The following GABRB1 variants were observed in gnomAD, a reference collection of about 807,000 sequenced individuals.
GABRB1 encodes gamma-aminobutyric acid receptor subunit beta-1.
In GABRB1, 17 loss-of-function variants were observed where a neutral mutation model predicts 51.6. The ratio of observed to expected loss-of-function variants is 0.33; its 90% confidence interval spans 0.23 to 0.49. GABRB1 has a LOEUF of 0.49. Among genes scored for constraint, GABRB1 ranks in the 20% least tolerant of loss-of-function variants. The probability of loss-of-function intolerance (pLI) is 0.99; values close to 1 mark genes in which losing one functional copy is unlikely to be tolerated. For synonymous variants in GABRB1, 247 were observed against 218.9 expected, an observed-to-expected ratio of 1.13 and a Z score of -1.14; for missense variants, 410 against 600.6, an observed-to-expected ratio of 0.68 and a Z score of 3.32.
rs571462368 is a variant in GABRB1, at chr4:47,308,736, C to G, written c.462-11391C>G. 6.5e-4 allele frequency among the ~76,000 whole-genome samples: 99 copies of G among 152,196 alleles called. No individual in the cohort carries two copies. The South Asian group carries it at 0.019, about 30-fold the overall frequency. On this transcript the variant is annotated intron_variant, in intron 4 of 8. Transcript: ENST00000295454. ...CTCTAGCTCTTCCTTCTGTCTGAGT[C>G]TTGTTTAGTTATCCTGTACTTACTG...
chr4:47,229,980 C>T (rs1242460314), intron 4 of GABRB1, among the ~76,000 whole-genome samples: 2 of 152,012 alleles, frequency 1.3e-5, no homozygotes, highest in African/African-American at 2.4e-5. Context: ...GTTGCAATAG[C>T]AAATAGGAAA....
At chr4:47,022,708 T>A (rs977522088) in intron 1 of GABRB1, among the ~76,000 whole-genome samples, 1 of 152,100 alleles carries the variant, frequency 6.6e-6, no homozygotes, top group Non-Finnish European at 1.5e-5. Flanking sequence ...GGTGAGAATG[T>A]AAATTAGTAC....
chr4:47,403,785 G>A, intron 7 of GABRB1, 74 bp downstream of exon 7: 2 of 1,467,646 alleles, frequency 1.4e-6, no homozygotes, highest in Non-Finnish European at 1.9e-6. Context: ...AGGAATTATA[G>A]GCAAGGGCTC....
chr4:47,244,560 A>C (rs979064570), intron 4 of GABRB1, among the ~76,000 whole-genome samples: 5 of 152,096 alleles, frequency 3.3e-5, no homozygotes, highest in Admixed American at 3.3e-4. Flanking sequence ...TCAATTTCAG[A>C]GCCTGCTATT....
chr4:47,036,010 T>TA (rs1444022889), intron 3 of GABRB1, among the ~76,000 whole-genome samples: 2 of 152,090 alleles, frequency 1.3e-5, no homozygotes, highest in Non-Finnish European at 2.9e-5. Flanking sequence ...TAGAAGACCT[T>TA]ACATCGAATG....
intron 4 of GABRB1, among the ~76,000 whole-genome samples, chr4:47,247,101 G>A (rs1204864323): frequency 6.6e-6 from 1 of 151,966 alleles, no homozygotes; most frequent in Non-Finnish European, 1.5e-5. Context: ...CCTTGCCTGA[G>A]CCAGCATCTG....
chr4:47,102,466 G>C (rs1434601038), intron 3 of GABRB1, among the ~76,000 whole-genome samples: 1 of 152,014 alleles, frequency 6.6e-6, no homozygotes, highest in African/African-American at 2.4e-5. Context: ...ATATGAAAGG[G>C]AAGAGTGCAA....
intron 5 of GABRB1, among the ~76,000 whole-genome samples, chr4:47,397,671 A>G (rs1272047918): frequency 6.6e-6 from 1 of 151,956 alleles, no homozygotes; most frequent in African/African-American, 2.4e-5. Flanking sequence ...GGTTCAAGCA[A>G]TTCTCCTCCT....
chr4:47,032,346 A>G, intron 2 of GABRB1, 71 bp from the exon 3 acceptor site: 2 of 1,338,116 alleles, frequency 1.5e-6, no homozygotes, highest in Admixed American at 4.3e-5. Context: ...AGGGCTGGGA[A>G]GCCCCCAGAC....
chr4:47,204,225 C>T (rs983298249), intron 4 of GABRB1, among the ~76,000 whole-genome samples: 5 of 152,134 alleles, frequency 3.3e-5, no homozygotes, highest in African/African-American at 9.7e-5. Context: ...CATGTGTGCT[C>T]TGGCATTTCT....
intron 4 of GABRB1, among the ~76,000 whole-genome samples, chr4:47,200,806 G>A (rs1047911467): frequency 6.6e-6 from 1 of 152,126 alleles, no homozygotes; most frequent in Non-Finnish European, 1.5e-5. Context: ...TCCTAAGAAA[G>A]TCAGCTCTAG....
chr4:47,260,875 G>A (rs1486427939), intron 4 of GABRB1, among the ~76,000 whole-genome samples: 1 of 152,028 alleles, frequency 6.6e-6, no homozygotes, highest in East Asian at 1.9e-4. Context: ...TTCATCCCTG[G>A]GATGCAAGAC....
At chr4:47,077,931 TTA>T (rs1196586644) in intron 3 of GABRB1, among the ~76,000 whole-genome samples, 1 of 120,240 alleles carries the variant, frequency 8.3e-6, no homozygotes, top group Non-Finnish European at 1.7e-5. Context: ...TTTATATATA[TTA>T]TATATTTTAT....
intron 4 of GABRB1, among the ~76,000 whole-genome samples, chr4:47,244,906 T>C (rs941895121): frequency 6.6e-6 from 1 of 152,082 alleles, no homozygotes; most frequent in Non-Finnish European, 1.5e-5. Flanking sequence ...AGATCTAAAA[T>C]TGACACCCTA....
chr4:47,168,801 T>C (rs527531393), intron 4 of GABRB1, among the ~76,000 whole-genome samples: 4 of 152,282 alleles, frequency 2.6e-5, no homozygotes, highest in African/African-American at 9.6e-5. Flanking sequence ...CTCACAGTTC[T>C]GGAAGCTAGA....
intron 5 of GABRB1, among the ~76,000 whole-genome samples, chr4:47,329,350 C>T (rs983672604): frequency 7.3e-5 from 11 of 151,144 alleles, no homozygotes; most frequent in African/African-American, 2.2e-4. Flanking sequence ...TAAACATATC[C>T]TATTGGCTGT....
At chr4:47,080,565 TA>T (rs982139473) in intron 3 of GABRB1, among the ~76,000 whole-genome samples, 2 of 151,532 alleles carry the variant, frequency 1.3e-5, no homozygotes, top group East Asian at 1.9e-4. Flanking sequence ...TCTTTTTTTT[TA>T]AAAAAAATTA....
chr4:47,197,641 C>A (rs1170720311), intron 4 of GABRB1, among the ~76,000 whole-genome samples: 3 of 152,210 alleles, frequency 2.0e-5, no homozygotes, highest in Non-Finnish European at 2.9e-5. Context: ...AGTTATGATT[C>A]TCCCACTGGA....
chr4:47,066,723 T>C (rs1172264716), intron 3 of GABRB1, among the ~76,000 whole-genome samples: 1 of 152,182 alleles, frequency 6.6e-6, no homozygotes, highest in Non-Finnish European at 1.5e-5. Flanking sequence ...TTTCTATACA[T>C]CTGTAGTCAA....
Sources: gnomAD v4.1 joint callset for allele counts (sites outside exome capture counted in the v4.1 genomes callset) on GRCh38, gnomAD v4.1.1 for gene constraint, MANE v1.5 for transcripts, NCBI Gene and HGNC (gene_info 2026-07-23, HGNC 2026-07-21) for gene names.